NTM: variants seen among roughly 807,000 people sequenced by gnomAD.
The protein encoded by NTM is neurotrimin.
Under a neutral mutation model 42.1 loss-of-function variants are expected in NTM, and 13 were observed. The ratio of observed to expected loss-of-function variants is 0.31; its 90% confidence interval spans 0.20 to 0.49. The LOEUF is 0.49. NTM is among the 20% of genes least tolerant of loss of function. The pLI, the probability that NTM is intolerant of heterozygous loss-of-function variation, is 0.99. For missense variants in NTM, 373 were observed against 452.8 expected, an observed-to-expected ratio of 0.82 and a Z score of 1.60; for synonymous variants, 187 against 179.2, an observed-to-expected ratio of 1.04 and a Z score of -0.35.
chr11:132,171,824 G>T (rs915535274), intron 3 of NTM, among the ~76,000 whole-genome samples: 1 of 152,218 alleles, frequency 6.6e-6, no homozygotes, highest in African/African-American at 2.4e-5. Flanking sequence ...AAACAGATGA[G>T]CCCTGTCTGC....
chr11:132,143,021 A>G (rs543344236), intron 2 of NTM, among the ~76,000 whole-genome samples: 1 of 152,310 alleles, frequency 6.6e-6, no homozygotes, highest in South Asian at 2.1e-4. Flanking sequence ...TTCCTGCACC[A>G]TGGCCACTCA....
intron 2 of NTM, among the ~76,000 whole-genome samples, chr11:132,102,658 G>T (rs1369753693): frequency 6.6e-6 from 1 of 152,202 alleles, no homozygotes; most frequent in African/African-American, 2.4e-5. Flanking sequence ...ATACACTGGA[G>T]TAGTTTTCTC....
At chr11:131,773,587 A>G (rs762484523) in intron 1 of NTM, among the ~76,000 whole-genome samples, 1 of 152,194 alleles carries the variant, frequency 6.6e-6, no homozygotes, top group Admixed American at 6.5e-5. Context: ...TCTCATATTG[A>G]TGCATTTTTA....
At chr11:131,406,134 CT>C (rs1945790947) in intron 1 of NTM, among the ~76,000 whole-genome samples, 1 of 152,130 alleles carries the variant, frequency 6.6e-6, no homozygotes. Flanking sequence ...AGGGTATTGT[CT>C]TGTTCATCAC....
At chr11:132,325,346 A>T (rs1347414270) in intron 7 of NTM, among the ~76,000 whole-genome samples, 4 of 152,190 alleles carry the variant, frequency 2.6e-5, no homozygotes, top group Admixed American at 2.6e-4. Flanking sequence ...CCCATCAAAA[A>T]GTGGGCAAAG....
intron 1 of NTM, among the ~76,000 whole-genome samples, chr11:131,465,682 G>A (rs11222657): frequency 0.059 from 8,928 of 152,276 alleles, 607 homozygotes; most frequent in East Asian, 0.19. Context: ...ATTCCACAGC[G>A]AACAGTCTTT....
At chr11:131,460,104 A>C (rs1184089882) in intron 1 of NTM, among the ~76,000 whole-genome samples, 1 of 152,218 alleles carries the variant, frequency 6.6e-6, no homozygotes, top group Non-Finnish European at 1.5e-5. Context: ...TAACAGACCA[A>C]CAGTGTCCAG....
intron 2 of NTM, among the ~76,000 whole-genome samples, chr11:131,979,171 C>A (rs1211254894): frequency 1.3e-5 from 2 of 152,146 alleles, no homozygotes. Context: ...ATGTTCTATT[C>A]TTTTGATGCT....
chr11:132,226,191 T>C (rs1054250347), intron 4 of NTM, among the ~76,000 whole-genome samples: 1 of 152,234 alleles, frequency 6.6e-6, no homozygotes, highest in Non-Finnish European at 1.5e-5. Flanking sequence ...TGTGTCTTTA[T>C]AGTAGAATGA....
intron 1 of NTM, among the ~76,000 whole-genome samples, chr11:131,608,955 T>C (rs1203735597): frequency 6.6e-6 from 1 of 152,250 alleles, no homozygotes; most frequent in East Asian, 1.9e-4. Context: ...TGACAGTAGA[T>C]GCAAATAGTA....
chr11:132,268,827 C>T (rs1180579996), intron 4 of NTM, among the ~76,000 whole-genome samples: 3 of 152,048 alleles, frequency 2.0e-5, no homozygotes, highest in South Asian at 2.1e-4. Context: ...ACATTGTCTA[C>T]GCTCTCTCTA....
At chr11:132,225,113 A>G (rs1343572015) in intron 4 of NTM, among the ~76,000 whole-genome samples, 1 of 152,240 alleles carries the variant, frequency 6.6e-6, no homozygotes, top group African/African-American at 2.4e-5. Flanking sequence ...TATATGATAA[A>G]TAGGCAGAAT....
intron 2 of NTM, 132 bp downstream of exon 2, chr11:131,911,780 T>G: frequency 9.0e-7 from 1 of 1,116,588 alleles, no homozygotes; most frequent in Non-Finnish European, 1.3e-6. Flanking sequence ...CTGCACAATT[T>G]ATGGCTGCGC....
At chr11:131,910,712 A>G (rs1171317434) in intron 1 of NTM, 9 of 424,218 alleles carry the variant, frequency 2.1e-5, no homozygotes, top group Non-Finnish European at 2.2e-5. Flanking sequence ...CGCCTTCCCC[A>G]GCGAGCTACC....
At chr11:131,751,762 C>A (rs561566400) in intron 1 of NTM, among the ~76,000 whole-genome samples, 1 of 142,038 alleles carries the variant, frequency 7.0e-6, no homozygotes, top group Non-Finnish European at 1.5e-5. Flanking sequence ...CCGTCCCCCC[C>A]TCACCCCCCC....
chr11:132,272,159 C>A (rs1266231273), intron 4 of NTM, among the ~76,000 whole-genome samples: 1 of 151,966 alleles, frequency 6.6e-6, no homozygotes, highest in East Asian at 1.9e-4. Flanking sequence ...GTTTTGATAC[C>A]CTTGCCAAAA....
intron 1 of NTM, among the ~76,000 whole-genome samples, chr11:131,745,595 G>A (rs1449866102): frequency 6.6e-6 from 1 of 152,170 alleles, no homozygotes; most frequent in East Asian, 1.9e-4. Context: ...TCAGAGGACT[G>A]GAGTTGAAGT....
intron 4 of NTM, among the ~76,000 whole-genome samples, chr11:132,262,228 G>A (rs925246743): frequency 1.3e-5 from 2 of 152,204 alleles, no homozygotes; most frequent in African/African-American, 4.8e-5. Flanking sequence ...GTTAGCAGCT[G>A]CCTGATTTGT....
intron 1 of NTM, among the ~76,000 whole-genome samples, chr11:131,500,225 G>A (rs2046570518): frequency 6.6e-6 from 1 of 152,200 alleles, no homozygotes; most frequent in Non-Finnish European, 1.5e-5. Flanking sequence ...GAAGTACGCG[G>A]ACTCAAGCTC....
Sources: gnomAD v4.1 joint callset for allele counts (sites outside exome capture counted in the v4.1 genomes callset) on GRCh38, gnomAD v4.1.1 for gene constraint, MANE v1.5 for transcripts, NCBI Gene and HGNC (gene_info 2026-07-23, HGNC 2026-07-21) for gene names.